The following ACSF2 variants were observed in gnomAD, a reference collection of about 807,000 sequenced individuals.
The protein encoded by ACSF2 is acyl-CoA synthetase family member 2, also known as medium-chain acyl-CoA ligase ACSF2, mitochondrial.
Under a neutral mutation model 79.3 loss-of-function variants are expected in ACSF2, and 52 were observed. The ratio of observed to expected loss-of-function variants is 0.66; its 90% CI spans 0.53 to 0.83. The LOEUF (loss-of-function observed/expected upper bound fraction) is 0.83, where lower values mean the gene tolerates loss of function less well. Ranked by LOEUF, ACSF2 falls within the 40% of genes least tolerant of loss-of-function variation. ACSF2 has a pLI of 0.00. For synonymous variants in ACSF2, 283 were observed against 312.6 expected (o/e 0.91, Z 1.00); for missense variants, 661 against 803.3 (o/e 0.82, Z 2.14).
chr17:50,469,394 C>T (rs1050370035), intron 10 of ACSF2, among the ~76,000 whole-genome samples: 4 of 152,186 alleles, frequency 2.6e-5, no homozygotes, highest in Admixed American at 2.0e-4. Flanking sequence ...CGGCGCCTGC[C>T]GAGCGTGAGA....
Position 50,470,952 on chromosome 17 carries a change from C to T in ACSF2, c.1216-76C>T, listed in dbSNP as rs867557934. 19 of 1,082,580 alleles carry T rather than the reference C, an allele frequency of 1.8e-5. No homozygotes were observed. In the South Asian group the frequency reaches 2.0e-4, roughly 12 times the overall value. The allele number at this position is 1,082,580 out of a possible 1,614,324, so 67.1% of individuals were successfully genotyped here. On this transcript the variant is annotated intron_variant, in intron 10 of 15. Coordinates refer to ENST00000300441, the MANE Select transcript of ACSF2 (RefSeq NM_025149.6). ...TCCCTTTTCTTTTATGAATTCCTTC[C>T]CATTTCCTCAGATAGCTCACCTGAT... is the stretch of plus-strand genomic sequence containing the variant.
Position 50,473,776 on chromosome 17 carries a change from T to TCA in ACSF2, c.1595_1596dup (p.Pro533ThrfsTer12). 3.1e-6 allele frequency: 5 copies of TCA among 1,614,172 alleles called. No homozygotes were observed. Among genetic ancestry groups the TCA allele is most frequent in the Non-Finnish European group, 4.2e-6 (5 of 1,180,024 alleles). On this transcript the variant is annotated frameshift_variant, in exon 13 of 16. Transcript: ENST00000300441. LOFTEE classifies it high-confidence loss of function. Reference sequence around the variant, plus strand: ...ACCCCGCAGAGCTCGAGGACTTCTTTCACACACACCCGAAGGTGCAGGAAG... The same window carrying TCA: ...ACCCCGCAGAGCTCGAGGACTTCTTTCACACACACACCCGAAGGTGCAGGAAG...
At chr17:50,470,186 G>C (rs3809766) in intron 10 of ACSF2, 1 of 152,118 alleles carries the variant, frequency 6.6e-6, no homozygotes, top group African/African-American at 2.4e-5. Flanking sequence ...CCTAGGATAC[G>C]GGGTAACTAG....
At position 50,463,581 on chromosome 17, in the gene ACSF2, G is replaced by T; in HGVS notation, c.1046+29G>T. On this transcript the variant is annotated intron_variant, in intron 8 of 15. Transcript: ENST00000300441. The surrounding 1 kb of genome is among the most constrained non-coding windows in gnomAD (Gnocchi z 4.6). Reference sequence around the variant, plus strand: ...GGCACTGGTGGACAGGCTACTTGTGGGCTGATAAAACCCTCTTCTTCCTCA... The same window carrying T: ...GGCACTGGTGGACAGGCTACTTGTGTGCTGATAAAACCCTCTTCTTCCTCA... 6.2e-7 allele frequency: 1 copy of T among 1,610,156 alleles called. No individual in the cohort carries two copies. Among genetic ancestry groups the T allele is most frequent in the Non-Finnish European group, 8.5e-7 (1 of 1,177,826 alleles).
intron 10 of ACSF2, among the ~76,000 whole-genome samples, chr17:50,470,498 G>A (rs986848059): frequency 1.3e-5 from 2 of 152,160 alleles, no homozygotes; most frequent in Middle Eastern, 3.4e-3. Flanking sequence ...CTTGGGGGAC[G>A]CCTGCCCCAA....
At chr17:50,431,494 A>G (rs925821624) in intron 1 of ACSF2, among the ~76,000 whole-genome samples, 3 of 152,230 alleles carry the variant, frequency 2.0e-5, no homozygotes, top group African/African-American at 7.2e-5. Context: ...TTAGGTCTGC[A>G]GTTTGAAGCC....
At chr17:50,439,356 T>C (rs2030709531) in intron 1 of ACSF2, among the ~76,000 whole-genome samples, 1 of 150,736 alleles carries the variant, frequency 6.6e-6, no homozygotes, top group Non-Finnish European at 1.5e-5. Flanking sequence ...ATCACAGGCA[T>C]GAGCCACCGT....
intron 10 of ACSF2, chr17:50,465,827 A>T (rs774217090): frequency 6.2e-7 from 1 of 1,613,724 alleles, no homozygotes; most frequent in Non-Finnish European, 8.5e-7. Flanking sequence ...CTCCAAATGG[A>T]CGTGTTTCAG....
rs2032287016 is a variant in ACSF2 at position 50,460,816 on chromosome 17, G to A, written c.268G>A (p.Ala90Thr). ...TTAQRVPERE[A>T]LVVLHEDVRL... ...AGCACAGAGGGTCCCAGAACGAGAG[G>A]CCTTGGTCGTCCTCCATGAAGACGT... Residue 90 changes from alanine to threonine, a missense_variant, in exon 2 of 16, where the codon GCC becomes ACC. Physicochemically the swap from Ala to Thr is moderately conservative, Grantham distance 58. Transcript: ENST00000300441. 1 of 1,612,224 alleles carries A rather than the reference G, an allele frequency of 6.2e-7. No individual in the cohort carries two copies. The highest frequency in any genetic ancestry group is 1.1e-5 in the South Asian group (1 of 90,658).
chr17:50,474,182 C>T lies in ACSF2; in HGVS notation c.1729-17C>T, dbSNP rs761536133. ...TTGCGCAGCCTCACGCCTTACCTCC[C>T]TCCCTCTGGTCTGCAGATCTCTCAC... On this transcript the variant is annotated splice_polypyrimidine_tract_variant and intron_variant, in intron 14 of 15. Transcript: ENST00000300441. This position sits in a 1 kb window ranked among gnomAD's most constrained non-coding sequence, Gnocchi z 4.2. The T allele has an allele frequency of 3.1e-6, 5 of 1,614,176 alleles. No homozygotes were observed. Among genetic ancestry groups the T allele is most frequent in the South Asian group, 1.1e-5 (1 of 91,088 alleles).
chr17:50,450,610 C>A (rs1168166950), intron 1 of ACSF2: 1 of 152,274 alleles, frequency 6.6e-6, no homozygotes, highest in Non-Finnish European at 1.5e-5. Context: ...ATAGTACTAC[C>A]AATGCTTAAT....
At chr17:50,464,769 TG>T (rs368836827) in intron 10 of ACSF2, 11,018 of 160,338 alleles carry the variant, frequency 0.069, 6 homozygotes, top group East Asian at 0.16. Context: ...CTGATTGACT[TG>T]GGGGGGGGGT....
At chr17:50,444,218 G>A (rs7213543) in intron 1 of ACSF2, among the ~76,000 whole-genome samples, 150,674 of 152,276 alleles carry the variant, frequency 0.99, 74,552 homozygotes, top group East Asian at 1. Context: ...CCCCGGTGGT[G>A]TAATAATCTA....
At chr17:50,462,973 C>A in intron 6 of ACSF2, 183 bp from the exon 7 acceptor site, 1 of 623,242 alleles carries the variant, frequency 1.6e-6, no homozygotes, top group Non-Finnish European at 2.8e-6. Flanking sequence ...GAGACCTTAT[C>A]TTCTGCATTG....
At chr17:50,445,437 C>T (rs189042362) in intron 1 of ACSF2, among the ~76,000 whole-genome samples, 22 of 152,286 alleles carry the variant, frequency 1.4e-4, no homozygotes. Flanking sequence ...CCATCTCTGC[C>T]TTCCTCTCTG....
At chr17:50,465,844 T>G in intron 10 of ACSF2, 1 of 1,613,762 alleles carries the variant, frequency 6.2e-7, no homozygotes, top group Non-Finnish European at 8.5e-7. Context: ...TCAGCGTGGT[T>G]ACACCCAGGA....
At chr17:50,448,673 G>A (rs1360026387) in intron 1 of ACSF2, among the ~76,000 whole-genome samples, 1 of 152,198 alleles carries the variant, frequency 6.6e-6, no homozygotes, top group Non-Finnish European at 1.5e-5. Context: ...ATGTTGTCTT[G>A]AAACAATTAT....
intron 1 of ACSF2, among the ~76,000 whole-genome samples, chr17:50,443,401 AAC>A (rs2031080454): frequency 6.6e-6 from 1 of 152,228 alleles, no homozygotes; most frequent in Non-Finnish European, 1.5e-5. Context: ...TTTTGAAGCT[AAC>A]ACAGTTTGGG....
chr17:50,439,677 G>T (rs1300499804), intron 1 of ACSF2, among the ~76,000 whole-genome samples: 1 of 152,114 alleles, frequency 6.6e-6, no homozygotes, highest in Non-Finnish European at 1.5e-5. Flanking sequence ...AGCATTGCTG[G>T]ACTTTAAAGT....
Sources: gnomAD v4.1 joint callset for allele counts (sites outside exome capture counted in the v4.1 genomes callset) on GRCh38, gnomAD v4.1.1 for gene constraint, Gnocchi (gnomAD v3.1) non-coding constraint, MANE v1.5 for transcripts, NCBI Gene and HGNC (gene_info 2026-07-23, HGNC 2026-07-21) for gene names.